The following NEK11 variants were observed in gnomAD, a reference collection of about 807,000 sequenced individuals.
The protein encoded by NEK11 is serine/threonine-protein kinase Nek11.
NEK11 carries 72 observed loss-of-function variants against 80.7 expected under a neutral mutation model. The ratio of observed to expected loss-of-function variants is 0.89; its 90% CI spans 0.74 to 1.08. The LOEUF (loss-of-function observed/expected upper bound fraction) is 1.08. Ranked by LOEUF, NEK11 falls within the 50% of genes least tolerant of loss-of-function variation. NEK11 has a pLI of 0.00. For synonymous variants in NEK11, 251 were observed against 260.7 expected (o/e 0.96, Z 0.36); for missense variants, 764 against 763.6 (o/e 1.00, Z -0.01).
At chr3:131,306,473 A>G (rs1021762537) in intron 17 of NEK11, among the ~76,000 whole-genome samples, 1 of 152,162 alleles carries the variant, frequency 6.6e-6, no homozygotes, top group African/African-American at 2.4e-5. Context: ...CAGGGGCAAG[A>G]TGGCTAAAGT....
chr3:131,164,195 T>C (rs2091961278), intron 11 of NEK11, among the ~76,000 whole-genome samples: 1 of 152,232 alleles, frequency 6.6e-6, no homozygotes, highest in African/African-American at 2.4e-5. Flanking sequence ...GGTGTGCTGG[T>C]AAATATTTAA....
Position 131,264,005 on chromosome 3 carries a change from T to A in NEK11, c.1622-9473T>A, listed in dbSNP as rs555732746. On this transcript the variant is annotated intron_variant, in intron 16 of 17. Coordinates refer to ENST00000383366, the MANE Select transcript of NEK11 (RefSeq NM_024800.5). ...TTCATGTGTCTGTTGGCTGCATAAATGTCTTCTTTTGAGAAGTGTCTGTTC... is the reference window on the plus strand; with the variant it reads ...TTCATGTGTCTGTTGGCTGCATAAAAGTCTTCTTTTGAGAAGTGTCTGTTC... Among the ~76,000 whole-genome samples, 11 of 152,382 alleles carry A rather than the reference T, an allele frequency of 7.2e-5. No individual in the cohort carries two copies. The East Asian group carries it at 1.9e-3, about 27-fold the overall frequency.
intron 16 of NEK11, among the ~76,000 whole-genome samples, chr3:131,251,974 C>T (rs766047036): frequency 9.2e-5 from 14 of 152,094 alleles, no homozygotes; most frequent in East Asian, 1.9e-4. Context: ...GCAAGAACTT[C>T]CCTGTCATTA....
At position 131,071,243 on chromosome 3, in the gene NEK11, A is replaced by T. The variant is rs534031308; in HGVS notation, c.171-9180A>T. On this transcript the variant is annotated intron_variant, in intron 3 of 17. Coordinates refer to ENST00000383366, the MANE Select transcript of NEK11 (RefSeq NM_024800.5). Reference sequence around the variant, plus strand: ...TATGTTAGCAAGCAAATTTTTATAAACTTGCATTTTTAGTACTTTTTTATC... The same window carrying T: ...TATGTTAGCAAGCAAATTTTTATAATCTTGCATTTTTAGTACTTTTTTATC... 6.7e-4 allele frequency among the ~76,000 whole-genome samples: 102 copies of T among 152,272 alleles called. 1 individual carries two copies. The highest frequency in any genetic ancestry group is 6.8e-3 in the Middle Eastern group (2 of 294).
chr3:131,079,752 T>G (rs2074939648), intron 3 of NEK11, among the ~76,000 whole-genome samples: 3 of 152,194 alleles, frequency 2.0e-5, no homozygotes, highest in African/African-American at 7.2e-5. Flanking sequence ...TTTAGTTAAT[T>G]TTTCCTGTTA....
intron 3 of NEK11, among the ~76,000 whole-genome samples, chr3:131,038,433 C>T (rs539956657): frequency 1.4e-4 from 21 of 152,244 alleles, no homozygotes; most frequent in Non-Finnish European, 2.5e-4. Context: ...TTCCTAAGGC[C>T]GCTTTGCTGC....
At chr3:131,170,695 T>C (rs1165207728) in intron 13 of NEK11, 78 bp from the exon 14 acceptor site, 2 of 915,054 alleles carry the variant, frequency 2.2e-6, no homozygotes, top group African/African-American at 3.3e-5. Flanking sequence ...GTCTTCTAAA[T>C]AAGAATATTT....
At chr3:131,165,581 T>C (rs2092137567) in intron 12 of NEK11, 62 bp downstream of exon 12, 3 of 993,188 alleles carry the variant, frequency 3.0e-6, no homozygotes, top group African/African-American at 1.6e-5. Flanking sequence ...TTCATGGCGA[T>C]GATTGGGTAG....
intron 17 of NEK11, among the ~76,000 whole-genome samples, chr3:131,287,480 G>T (rs2096487698): frequency 6.6e-6 from 1 of 152,038 alleles, no homozygotes; most frequent in African/African-American, 2.4e-5. Context: ...CGCCATGTTG[G>T]CCAGGCTGGT....
At chr3:131,293,472 A>G (rs2096564653) in intron 17 of NEK11, among the ~76,000 whole-genome samples, 1 of 152,012 alleles carries the variant, frequency 6.6e-6, no homozygotes, top group African/African-American at 2.4e-5. Flanking sequence ...CTTTTTATAT[A>G]TTGTTGGATT....
At chr3:131,229,214 G>A (rs1425447647) in intron 15 of NEK11, among the ~76,000 whole-genome samples, 1 of 152,090 alleles carries the variant, frequency 6.6e-6, no homozygotes, top group Non-Finnish European at 1.5e-5. Context: ...AAGTGGTGAA[G>A]TCTCTGAGTA....
chr3:131,203,577 A>G (rs1363170838), intron 14 of NEK11, among the ~76,000 whole-genome samples: 1 of 150,102 alleles, frequency 6.7e-6, no homozygotes, highest in Non-Finnish European at 1.5e-5. Context: ...CTTAAAGTAT[A>G]ATAAAAAAAA....
In NEK11 at chr3:131,342,305, G is replaced by T. The variant is rs554524041; in HGVS notation, c.1719-7252G>T. Among the ~76,000 whole-genome samples the T allele has an allele frequency of 5.9e-5, 9 of 152,328 alleles. No individual in the cohort carries two copies. In the South Asian group the frequency reaches 1.9e-3, roughly 32 times the overall value. ...TCCTTAATGAAGATTCCGGATGCTT[G>T]TTAGCACCAAATGATTGTTGAAATG... is the stretch of plus-strand genomic sequence containing the variant. On this transcript the variant is annotated intron_variant, in intron 17 of 17. Transcript: ENST00000383366.
At chr3:131,165,267 G>A in intron 11 of NEK11, 159 bp from the exon 12 acceptor site, 1 of 578,602 alleles carries the variant, frequency 1.7e-6, no homozygotes, top group South Asian at 2.4e-5. Flanking sequence ...AATCAGCCGG[G>A]TGCTGCACCA....
chr3:131,215,215 T>C (rs954670891), intron 14 of NEK11, among the ~76,000 whole-genome samples: 25 of 137,984 alleles, frequency 1.8e-4, no homozygotes, highest in Non-Finnish European at 3.2e-4. Flanking sequence ...TAGGTGGGAA[T>C]TGAACAATGA....
At chr3:131,327,858 CCT>C (rs2096996704) in intron 17 of NEK11, 1 of 152,008 alleles carries the variant, frequency 6.6e-6, no homozygotes, top group Non-Finnish European at 1.5e-5. Context: ...CTCCTATTTC[CCT>C]GTTTTTATTT....
chr3:131,286,541 T>C (rs1239050211), intron 17 of NEK11, among the ~76,000 whole-genome samples: 1 of 152,248 alleles, frequency 6.6e-6, no homozygotes, highest in East Asian at 1.9e-4. Flanking sequence ...GATACAGCTG[T>C]TCCTATAGTA....
At chr3:131,102,617 C>T (rs936492390) in intron 4 of NEK11, among the ~76,000 whole-genome samples, 1 of 152,078 alleles carries the variant, frequency 6.6e-6, no homozygotes, top group African/African-American at 2.4e-5. Context: ...TTTTCTTTTA[C>T]CTTGACCTTG....
intron 4 of NEK11, 49 bp downstream of exon 4, chr3:131,080,637 G>A: frequency 2.0e-6 from 3 of 1,512,288 alleles, no homozygotes; most frequent in Non-Finnish European, 2.7e-6. Flanking sequence ...CTTGCTGAAT[G>A]GTAAAAAGCC....
Sources: allele counts gnomAD v4.1 joint callset (sites outside exome capture counted in the v4.1 genomes callset), GRCh38; gene constraint gnomAD v4.1.1; transcripts MANE v1.5; gene names NCBI Gene and HGNC (gene_info 2026-07-23, HGNC 2026-07-21).